Variants in CRX observed in about 807,000 individuals in gnomAD.
The protein encoded by CRX is cone-rod homeobox.
CRX carries 5 observed loss-of-function variants against 13.1 expected under a neutral mutation model. That is an observed-to-expected ratio of 0.38 (90% confidence interval 0.20 to 0.80). The LOEUF (loss-of-function observed/expected upper bound fraction) is 0.80, where lower values mean the gene tolerates loss of function less well. CRX is among the 30% of genes least tolerant of loss of function. CRX has a pLI of 0.43. For synonymous variants in CRX, 179 were observed against 171.1 expected (o/e 1.05, Z -0.36); for missense variants, 351 against 391.8 (o/e 0.90, Z 0.88).
rs371493617 is a variant in CRX at position 47,839,972 on chromosome 19, C to T, written c.*5C>T. The T allele has an allele frequency of 1.7e-5, 28 of 1,612,740 alleles. No individual in the cohort carries two copies. Among genetic ancestry groups the T allele is most frequent in the East Asian group, 6.7e-5 (3 of 44,882 alleles). Reference sequence around the variant, plus strand: ...TGGAAGTTTCAGATCTTGTAGAGGACGCAGTCTCCATCTCTCTCCATCGGG... The same window carrying T: ...TGGAAGTTTCAGATCTTGTAGAGGATGCAGTCTCCATCTCTCTCCATCGGG... On this transcript the variant is annotated 3_prime_UTR_variant, in exon 4 of 4. Coordinates refer to ENST00000221996, the MANE Select transcript of CRX (RefSeq NM_000554.6). The surrounding 1 kb of genome is among the most constrained non-coding windows in gnomAD (Gnocchi z 4.6).
intron 2 of CRX, 46 bp downstream of exon 2, chr19:47,834,589 T>G: frequency 1.3e-6 from 2 of 1,513,264 alleles, no homozygotes; most frequent in Non-Finnish European, 1.8e-6. Context: ...GCCTCATCTC[T>G]TGGAGGACCT....
intron 2 of CRX, 115 bp downstream of exon 2, chr19:47,834,658 A>T: frequency 1.3e-6 from 1 of 762,424 alleles, no homozygotes; most frequent in Non-Finnish European, 2.3e-6. Context: ...AGGGCCATAC[A>T]CCAGCCCTCT....
intron 3 of CRX, 149 bp downstream of exon 3, chr19:47,836,543 C>G: frequency 9.0e-7 from 1 of 1,115,978 alleles, no homozygotes; most frequent in South Asian, 1.4e-5. Flanking sequence ...CACCATCCCA[C>G]TGACCGCCTC....
chr19:47,827,891 C>T (rs112863228), intron 1 of CRX, among the ~76,000 whole-genome samples: 4,196 of 133,784 alleles, frequency 0.031, 260 homozygotes, highest in African/African-American at 0.11. Context: ...TGGTGGCTCA[C>T]GCCTGTAATC....
At chr19:47,835,697 C>T (rs2123739407) in intron 2 of CRX, among the ~76,000 whole-genome samples, 1 of 143,550 alleles carries the variant, frequency 7.0e-6, no homozygotes, top group South Asian at 2.3e-4. Context: ...TCTTGGCTCA[C>T]TGCAACCTCT....
intron 1 of CRX, among the ~76,000 whole-genome samples, chr19:47,832,123 T>TTTTTTTTTTTTTA (rs1968056947): frequency 1.5e-5 from 2 of 137,798 alleles, no homozygotes; most frequent in African/African-American, 2.8e-5. Context: ...TTTTTTTTTT[T>TTTTTTTTTTTTTA]GAGACGGAGT....
In CRX at chr19:47,837,162, T is replaced by G. The variant is rs147749798; in HGVS notation, c.252+768T>G. 4.7e-4 allele frequency among the ~76,000 whole-genome samples: 72 copies of G among 152,254 alleles called. 1 individual carries two copies. In the East Asian group the frequency reaches 0.012, roughly 25 times the overall value. On this transcript the variant is annotated intron_variant, in intron 3 of 3. Transcript: ENST00000221996. The stretch of plus-strand genomic sequence containing the variant: ...ATGTATACATGCTTGCATGATTGGA[T>G]GGATGGGTATATTTATTTATTTGAA...
chr19:47,835,448 G>A (rs902172405), intron 2 of CRX, among the ~76,000 whole-genome samples: 3 of 149,968 alleles, frequency 2.0e-5, no homozygotes, highest in East Asian at 4.0e-4. Context: ...GCAATGGCGC[G>A]ATCTTGGCTC....
rs537820791 is a variant in CRX at position 47,827,161 on chromosome 19, T to C, written c.-36+5151T>C. ...GGGTAAGGATTATTGGGAGTTACCT[T>C]GGAGGCAGTTTGATTTTGGGGATTT... On this transcript the variant is annotated intron_variant, in intron 1 of 3. Transcript: ENST00000221996. Among the ~76,000 whole-genome samples, 7 of 152,280 alleles carry C rather than the reference T, an allele frequency of 4.6e-5. No individual in the cohort carries two copies. In the East Asian group the frequency reaches 1.4e-3, roughly 29 times the overall value.
At chr19:47,829,492 T>C (rs993464878) in intron 1 of CRX, among the ~76,000 whole-genome samples, 17 of 152,010 alleles carry the variant, frequency 1.1e-4, no homozygotes, top group Non-Finnish European at 4.4e-5. Context: ...CCACCACGCC[T>C]GCCTAATTTT....
At chr19:47,822,718 GGA>G (rs1967927137) in intron 1 of CRX, among the ~76,000 whole-genome samples, 1 of 152,138 alleles carries the variant, frequency 6.6e-6, no homozygotes, top group South Asian at 2.1e-4. Flanking sequence ...CTCTACTTCG[GGA>G]CTGGGGAATC....
rs975378007 is a variant in CRX at position 47,840,337 on chromosome 19, C to T, written c.*370C>T. ...TCATGTTTAGGTCAGAATCACCGTG[C>T]CCTTGAACAAGCAGGTAGGGGGGCT... On this transcript the variant is annotated 3_prime_UTR_variant, in exon 4 of 4. Coordinates refer to ENST00000221996, the MANE Select transcript of CRX (RefSeq NM_000554.6). 3.9e-6 allele frequency: 1 copy of T among 258,154 alleles called. No individual in the cohort carries two copies. The highest frequency in any genetic ancestry group is 5.2e-5 in the South Asian group (1 of 19,288). The allele number at this position is 258,154 out of a possible 1,614,324, so 16.0% of individuals were successfully genotyped here.
intron 3 of CRX, among the ~76,000 whole-genome samples, chr19:47,838,906 CATGAT>C (rs553871115): frequency 2.9e-4 from 44 of 150,906 alleles, no homozygotes; most frequent in Non-Finnish European, 4.9e-4. Context: ...TAAATGTATG[CATGAT>C]ATATGTGCGT....
chr19:47,833,408 A>C (rs900923692), intron 1 of CRX, among the ~76,000 whole-genome samples: 2 of 151,612 alleles, frequency 1.3e-5, no homozygotes, highest in East Asian at 3.9e-4. Flanking sequence ...CAGCCTCCCA[A>C]GTAGCTGGGA....
chr19:47,824,192 A>C (rs8102250), intron 1 of CRX, among the ~76,000 whole-genome samples: 41,963 of 152,034 alleles, frequency 0.28, 6,158 homozygotes, highest in African/African-American at 0.35. Flanking sequence ...CGGGGGCCAA[A>C]GAGATTTAAA....
chr19:47,831,501 G>A (rs1205722028), intron 1 of CRX, among the ~76,000 whole-genome samples: 1 of 151,984 alleles, frequency 6.6e-6, no homozygotes, highest in East Asian at 1.9e-4. Context: ...ACCCTATTGT[G>A]AACTGCACGT....
chr19:47,828,804 C>T (rs1261909549), intron 1 of CRX, among the ~76,000 whole-genome samples: 1 of 151,286 alleles, frequency 6.6e-6, no homozygotes, highest in African/African-American at 2.4e-5. Context: ...CTGAGTCCAT[C>T]CTAATGAGGG....
chr19:47,836,043 T>C lies in CRX; in HGVS notation c.101-200T>C, dbSNP rs3745752. On this transcript the variant is annotated intron_variant, in intron 2 of 3. Coordinates refer to ENST00000221996, the MANE Select transcript of CRX (RefSeq NM_000554.6). ...AAAAACGACTCGCACACCTCCTTGT[T>C]GAGCTAAAGCCTTGGGGTCAGGCAT... Among the ~76,000 whole-genome samples, 51,652 of 152,042 alleles carry C rather than the reference T, an allele frequency of 0.34. 9,236 individuals are homozygous for C. The highest frequency in any genetic ancestry group is 0.4 in the Non-Finnish European group (26,977 of 67,946).
At position 47,839,643 on chromosome 19, in the gene CRX, C is replaced by A; in HGVS notation, c.576C>A (p.Ala192=). ...CGTCTCTGACCTCCGCCCCCTATGC[C>A]ATGACCTACGCCCCGGCCTCCGCTT... ...SGPSLTSAPY[A]MTYAPASAFC... is the part of the protein sequence containing the mutation. Residue 192 remains alanine (A), a synonymous_variant, in exon 4 of 4, where the codon GCC becomes GCA. Coordinates refer to ENST00000221996, the MANE Select transcript of CRX (RefSeq NM_000554.6). This position sits in a 1 kb window ranked among gnomAD's most constrained non-coding sequence, Gnocchi z 4.6. The A allele has an allele frequency of 6.2e-7, 1 of 1,613,352 alleles. No homozygotes were observed. The highest frequency in any genetic ancestry group is 8.5e-7 in the Non-Finnish European group (1 of 1,179,964).
Sources: allele counts gnomAD v4.1 joint callset (sites outside exome capture counted in the v4.1 genomes callset), GRCh38; gene constraint gnomAD v4.1.1; non-coding constraint Gnocchi (gnomAD v3.1); transcripts MANE v1.5; gene names NCBI Gene and HGNC (gene_info 2026-07-23, HGNC 2026-07-21).